Variants in MDFIC observed in about 807,000 individuals in gnomAD.
The protein encoded by MDFIC is myoD family inhibitor domain-containing protein.
In MDFIC, 17 loss-of-function variants were observed where a neutral mutation model predicts 23.2. The ratio of observed to expected loss-of-function variants is 0.73; its 90% CI spans 0.50 to 1.10. The LOEUF is 1.10. MDFIC is among the 50% of genes least tolerant of loss of function. MDFIC has a pLI of 0.00. For synonymous variants in MDFIC, 120 were observed against 115.2 expected (o/e 1.04, Z -0.27); for missense variants, 356 against 316.6 (o/e 1.12, Z -0.95).
intron 4 of MDFIC, among the ~76,000 whole-genome samples, chr7:114,994,730 G>T (rs1791284774): frequency 6.6e-6 from 1 of 152,180 alleles, no homozygotes; most frequent in African/African-American, 2.4e-5. Flanking sequence ...CTGTTAGTCT[G>T]ATGGGCTTCC....
At position 114,982,951 on chromosome 7, in the gene MDFIC, C is replaced by T. The variant is rs76584855; in HGVS notation, c.493+3170C>T. On this transcript the variant is annotated intron_variant, in intron 4 of 4. Transcript: ENST00000393486. ...CTGCATGAAGCCTCTTTTGTAATGG[C>T]CTTAATCTCATTAATTAGGGAGAAG... Among the ~76,000 whole-genome samples, 724 of 152,250 alleles carry T rather than the reference C, an allele frequency of 4.8e-3. 4 individuals are homozygous for T. Among genetic ancestry groups the T allele is most frequent in the African/African-American group, 0.016 (656 of 41,544 alleles).
At chr7:114,996,251 T>A (rs1374798302) in intron 4 of MDFIC, among the ~76,000 whole-genome samples, 1 of 152,146 alleles carries the variant, frequency 6.6e-6, no homozygotes, top group South Asian at 2.1e-4. Flanking sequence ...TGGGAGGTAA[T>A]AGGATTGGAT....
At chr7:114,926,338 C>T (rs1304489329) in intron 2 of MDFIC, among the ~76,000 whole-genome samples, 1 of 152,068 alleles carries the variant, frequency 6.6e-6, no homozygotes, top group Non-Finnish European at 1.5e-5. Flanking sequence ...CAGTCAGTAG[C>T]AAGAAATCAG....
intron 4 of MDFIC, among the ~76,000 whole-genome samples, chr7:114,981,214 G>A (rs946818986): frequency 5.3e-5 from 8 of 152,142 alleles, no homozygotes; most frequent in East Asian, 3.8e-4. Context: ...CACTTATTAC[G>A]TCCCTAACCT....
intron 2 of MDFIC, among the ~76,000 whole-genome samples, chr7:114,928,603 T>C (rs1009908466): frequency 3.3e-5 from 5 of 152,148 alleles, no homozygotes; most frequent in Non-Finnish European, 1.5e-5. Flanking sequence ...GTTGGGGCTG[T>C]ATGAAGGGTC....
chr7:114,978,008 ATAT>A lies in MDFIC; in HGVS notation c.218-1491_218-1489del, dbSNP rs544274274. Among the ~76,000 whole-genome samples the A allele has an allele frequency of 2.5e-3, 372 of 148,210 alleles. 5 individuals are homozygous for A. Among genetic ancestry groups the A allele is most frequent in the African/African-American group, 8.8e-3 (358 of 40,840 alleles). On this transcript the variant is annotated intron_variant, in intron 3 of 4. Transcript: ENST00000393486. ...GATATAACCATTAATATTTATATTAATATTATTATATTAATTGGTATAATAAAA... is the reference window on the plus strand; with the variant it reads ...GATATAACCATTAATATTTATATTAATATTATATTAATTGGTATAATAAAA...
chr7:114,987,698 G>A (rs1793537789), intron 4 of MDFIC, among the ~76,000 whole-genome samples: 1 of 152,160 alleles, frequency 6.6e-6, no homozygotes, highest in Non-Finnish European at 1.5e-5. Flanking sequence ...TGTGTGTATG[G>A]AGAGTAGGCA....
chr7:114,944,075 G>A (rs919769283), intron 3 of MDFIC, among the ~76,000 whole-genome samples: 2 of 152,012 alleles, frequency 1.3e-5, no homozygotes, highest in East Asian at 1.9e-4. Flanking sequence ...TTTACTCTAC[G>A]GTTTCATTGG....
chr7:114,941,312 A>G (rs898920708), intron 2 of MDFIC, among the ~76,000 whole-genome samples: 3 of 152,080 alleles, frequency 2.0e-5, no homozygotes, highest in African/African-American at 7.2e-5. Context: ...TTTCATCCAG[A>G]TTTCTCACCT....
chr7:115,016,067 C>CT lies in MDFIC; in HGVS notation c.*133dup. 1 of 897,880 alleles carries CT rather than the reference C, an allele frequency of 1.1e-6. No individual in the cohort carries two copies. Among genetic ancestry groups the CT allele is most frequent in the Admixed American group, 2.8e-5 (1 of 35,702 alleles). 55.6% of individuals were successfully genotyped at this position (897,880 alleles called of 1,614,324 possible). A position where few individuals can be genotyped will look rare whatever the true frequency, so the allele number is the denominator to read the frequency against. On this transcript the variant is annotated 3_prime_UTR_variant, in exon 5 of 5. Transcript: ENST00000393486. ...CTGTTAACTCATTATTGTAAGTAAT[C>CT]TCTGAAAGCCTTTTTACTTTAACCA...
At chr7:114,973,443 A>G (rs1490265184) in intron 3 of MDFIC, among the ~76,000 whole-genome samples, 2 of 152,138 alleles carry the variant, frequency 1.3e-5, no homozygotes, top group African/African-American at 4.8e-5. Flanking sequence ...CCCAATCCTA[A>G]AAGTGGCAGA....
intron 4 of MDFIC, among the ~76,000 whole-genome samples, chr7:114,990,308 T>C (rs1051738270): frequency 5.3e-5 from 8 of 152,116 alleles, no homozygotes; most frequent in Non-Finnish European, 1.0e-4. Flanking sequence ...ACCCGCAAAG[T>C]TTTAAAAACA....
intron 4 of MDFIC, among the ~76,000 whole-genome samples, chr7:115,009,196 C>T (rs1791630349): frequency 6.6e-6 from 1 of 152,136 alleles, no homozygotes; most frequent in Non-Finnish European, 1.5e-5. Context: ...TCATAGGAAA[C>T]TTTATTAGAG....
intron 4 of MDFIC, 135 bp downstream of exon 4, chr7:114,979,916 A>G: frequency 9.1e-7 from 1 of 1,098,042 alleles, no homozygotes; most frequent in Non-Finnish European, 1.3e-6. Context: ...TAAAATGCAG[A>G]TTAACTTTCC....
intron 4 of MDFIC, among the ~76,000 whole-genome samples, chr7:115,002,011 C>G (rs913014854): frequency 6.6e-6 from 1 of 152,022 alleles, no homozygotes; most frequent in Non-Finnish European, 1.5e-5. Context: ...GTGGTACATG[C>G]CTGTAATCCT....
chr7:114,964,168 T>G (rs146988622), intron 3 of MDFIC, among the ~76,000 whole-genome samples: 97 of 152,296 alleles, frequency 6.4e-4, no homozygotes, highest in African/African-American at 2.0e-3. Flanking sequence ...AGGTCTATGG[T>G]GATGAATACA....
chr7:114,977,940 A>G (rs1793347762), intron 3 of MDFIC, among the ~76,000 whole-genome samples: 2 of 148,020 alleles, frequency 1.4e-5, no homozygotes, highest in Admixed American at 1.4e-4. Flanking sequence ...TATATGTATT[A>G]TATAATAATT....
chr7:114,950,621 T>C (rs1288209006), intron 3 of MDFIC, among the ~76,000 whole-genome samples: 3 of 152,104 alleles, frequency 2.0e-5, no homozygotes, highest in African/African-American at 7.2e-5. Context: ...ATGAGAAATA[T>C]GAATTTAAGA....
chr7:115,002,890 T>C (rs918754293), intron 4 of MDFIC, among the ~76,000 whole-genome samples: 3 of 152,132 alleles, frequency 2.0e-5, no homozygotes, highest in Admixed American at 6.6e-5. Flanking sequence ...GTGTAGTGAG[T>C]GTGTGTAGGT....
Sources: allele counts gnomAD v4.1 joint callset (sites outside exome capture counted in the v4.1 genomes callset), GRCh38; gene constraint gnomAD v4.1.1; transcripts MANE v1.5; gene names NCBI Gene and HGNC (gene_info 2026-07-23, HGNC 2026-07-21).